Variants in RBFOX1 observed in about 807,000 individuals in gnomAD.
RBFOX1 encodes the protein RNA binding protein fox-1 homolog 1.
In RBFOX1, 8 loss-of-function variants were observed where a neutral mutation model predicts 57.7. The observed-to-expected ratio is 0.14, with a 90% CI of 0.08 to 0.25. RBFOX1 has a LOEUF of 0.25. RBFOX1 is among the 10% of genes least tolerant of loss of function. The probability of loss-of-function intolerance (pLI) is 1.00; values close to 1 mark genes in which losing one functional copy is unlikely to be tolerated. For missense variants in RBFOX1, 611 were observed against 548.5 expected, an observed-to-expected ratio of 1.11 and a Z score of -1.14; for synonymous variants, 326 against 222.4, an observed-to-expected ratio of 1.47 and a Z score of -4.15.
At chr16:6,915,203 C>T (rs1319776128) in intron 3 of RBFOX1, among the ~76,000 whole-genome samples, 1 of 152,190 alleles carries the variant, frequency 6.6e-6, no homozygotes, top group Non-Finnish European at 1.5e-5. Flanking sequence ...CCCGGAGACC[C>T]ACTCCCTTGT....
intron 4 of RBFOX1, among the ~76,000 whole-genome samples, chr16:7,188,202 C>G (rs532061461): frequency 3.9e-5 from 6 of 152,308 alleles, no homozygotes; most frequent in Non-Finnish European, 7.3e-5. Flanking sequence ...GAATGAAACA[C>G]TCCCTGAGCC....
At chr16:6,793,058 C>T (rs532046219) in intron 3 of RBFOX1, among the ~76,000 whole-genome samples, 117 of 151,604 alleles carry the variant, frequency 7.7e-4, no homozygotes, top group African/African-American at 2.6e-3. Flanking sequence ...AGCGATAATG[C>T]TGTACATCTG....
At chr16:5,998,514 A>T (rs1184474268) in intron 4 of RBFOX1, among the ~76,000 whole-genome samples, 1 of 152,210 alleles carries the variant, frequency 6.6e-6, no homozygotes, top group Non-Finnish European at 1.5e-5. Flanking sequence ...GTTTTCAACA[A>T]GATGATGTAG....
At chr16:5,960,485 T>C (rs1389852088) in intron 4 of RBFOX1, among the ~76,000 whole-genome samples, 1 of 152,122 alleles carries the variant, frequency 6.6e-6, no homozygotes, top group Non-Finnish European at 1.5e-5. Flanking sequence ...GCTATGACAA[T>C]GTCATCTTCA....
chr16:5,566,069 C>G (rs1217071908), intron 2 of RBFOX1, among the ~76,000 whole-genome samples: 1 of 152,102 alleles, frequency 6.6e-6, no homozygotes, highest in Non-Finnish European at 1.5e-5. Flanking sequence ...TGACTTTCGC[C>G]TTTCGCCATG....
intron 3 of RBFOX1, among the ~76,000 whole-genome samples, chr16:6,816,407 TG>T (rs2090074805): frequency 1.3e-5 from 2 of 151,070 alleles, no homozygotes; most frequent in African/African-American, 4.9e-5. Context: ...GTTGCCAGAC[TG>T]GCCCCTTCAT....
chr16:7,373,164 A>T (rs2097603412), intron 4 of RBFOX1, among the ~76,000 whole-genome samples: 2 of 151,992 alleles, frequency 1.3e-5, no homozygotes, highest in South Asian at 2.1e-4. Flanking sequence ...CGCTCTCCTG[A>T]CCTTGTGATC....
intron 4 of RBFOX1, among the ~76,000 whole-genome samples, chr16:7,447,332 C>T (rs920436007): frequency 6.7e-6 from 1 of 150,006 alleles, no homozygotes; most frequent in Admixed American, 6.7e-5. Context: ...ACTTGGGAGG[C>T]TGAGGCAGAA....
At chr16:6,260,053 G>T (rs1420346531) in intron 1 of RBFOX1, among the ~76,000 whole-genome samples, 1 of 151,698 alleles carries the variant, frequency 6.6e-6, no homozygotes, top group East Asian at 1.9e-4. Context: ...ATCTTCGTGA[G>T]AAATGGCATT....
rs116126386 is a variant in RBFOX1 at position 5,975,049 on chromosome 16, C to G, written c.351+107714C>G. On this transcript the variant is annotated intron_variant, in intron 4 of 19. Transcript: ENST00000641259. Reference sequence around the variant, plus strand: ...AATAAAAATAACAAAAGTAAAAAACCAAAATCACTTTAAAAAGTTGGCCTC... The same window carrying G: ...AATAAAAATAACAAAAGTAAAAAACGAAAATCACTTTAAAAAGTTGGCCTC... Among the ~76,000 whole-genome samples the G allele has an allele frequency of 2.9e-3, 436 of 152,174 alleles. 2 individuals are homozygous for G. The highest frequency in any genetic ancestry group is 9.5e-3 in the African/African-American group (396 of 41,520).
At chr16:5,849,083 AG>A (rs2056826886) in intron 3 of RBFOX1, among the ~76,000 whole-genome samples, 1 of 152,206 alleles carries the variant, frequency 6.6e-6, no homozygotes, top group Non-Finnish European at 1.5e-5. Context: ...TAAGAACACT[AG>A]AGTCCTTGGT....
chr16:5,506,386 G>A (rs80129966), intron 2 of RBFOX1, among the ~76,000 whole-genome samples: 4,908 of 152,244 alleles, frequency 0.032, 99 homozygotes, highest in Middle Eastern at 0.088. Flanking sequence ...CTCTGACTCC[G>A]TGGACTCTAA....
At chr16:6,733,558 A>C (rs1466717889) in intron 3 of RBFOX1, among the ~76,000 whole-genome samples, 1 of 152,204 alleles carries the variant, frequency 6.6e-6, no homozygotes, top group Non-Finnish European at 1.5e-5. Context: ...TAGCAAATAT[A>C]AATAATGGTT....
chr16:6,535,694 A>C (rs17140543), intron 2 of RBFOX1, among the ~76,000 whole-genome samples: 6,397 of 152,220 alleles, frequency 0.042, 441 homozygotes, highest in African/African-American at 0.14. Context: ...GACATTTTTG[A>C]GGCTTTAAGC....
chr16:7,166,233 C>T (rs1465582678), intron 4 of RBFOX1, among the ~76,000 whole-genome samples: 4 of 151,452 alleles, frequency 2.6e-5, no homozygotes, highest in African/African-American at 4.8e-5. Flanking sequence ...AGGCTGGTCT[C>T]GAATTCCTAT....
intron 3 of RBFOX1, among the ~76,000 whole-genome samples, chr16:6,707,482 T>TTG (rs1555714708): frequency 3.3e-5 from 5 of 150,940 alleles, no homozygotes; most frequent in African/African-American, 7.3e-5. Flanking sequence ...ATTTTTGTTT[T>TTG]TTTTTTTTTT....
intron 3 of RBFOX1, among the ~76,000 whole-genome samples, chr16:6,805,688 A>T (rs533463609): frequency 6.7e-6 from 1 of 149,870 alleles, no homozygotes; most frequent in Non-Finnish European, 1.5e-5. Flanking sequence ...ATGTGAAATT[A>T]TCCTTACCAT....
chr16:7,356,658 C>G lies in RBFOX1; in HGVS notation c.28-161489C>G, dbSNP rs376717201. Among the ~76,000 whole-genome samples, 7 of 152,328 alleles carry G rather than the reference C, an allele frequency of 4.6e-5. No homozygotes were observed. The South Asian group carries it at 1.0e-3, about 23-fold the overall frequency. ...AGCAGAATTTGGTTTATTCGGTAAG[C>G]TTTACGTTAAGGGCATTTGAAGTTC... On this transcript the variant is annotated intron_variant, in intron 4 of 15. Coordinates refer to ENST00000550418, the MANE Select transcript of RBFOX1 (RefSeq NM_018723.4).
intron 1 of RBFOX1, among the ~76,000 whole-genome samples, chr16:6,162,014 A>G (rs555464002): frequency 4.6e-5 from 7 of 152,350 alleles, no homozygotes; most frequent in Admixed American, 3.3e-4. Flanking sequence ...TTTCTTAGTT[A>G]TTAACCAGCA....
Sources: gnomAD v4.1 joint callset for allele counts (sites outside exome capture counted in the v4.1 genomes callset) on GRCh38, gnomAD v4.1.1 for gene constraint, MANE v1.5 for transcripts, NCBI Gene and HGNC (gene_info 2026-07-23, HGNC 2026-07-21) for gene names.